ZNF454: variants seen among roughly 807,000 people sequenced by gnomAD.
The protein encoded by ZNF454 is zinc finger protein 454.
Under a neutral mutation model 48.2 loss-of-function variants are expected in ZNF454, and 30 were observed. The observed-to-expected ratio is 0.62, with a 90% confidence interval of 0.47 to 0.84. The LOEUF (loss-of-function observed/expected upper bound fraction) is 0.84. ZNF454 is among the 40% of genes least tolerant of loss of function. The probability of loss-of-function intolerance (pLI) is 0.00; values close to 1 mark genes in which losing one functional copy is unlikely to be tolerated. For synonymous variants in ZNF454, 204 were observed against 211.4 expected, an observed-to-expected ratio of 0.97 and a Z score of 0.30; for missense variants, 510 against 623.1, an observed-to-expected ratio of 0.82 and a Z score of 1.93.
In ZNF454 at chr5:178,941,369, G is replaced by T. The variant is rs565227492; in HGVS notation, c.-183G>T. 9 of 455,878 alleles carry T rather than the reference G, an allele frequency of 2.0e-5. No homozygotes were observed. The highest frequency in any genetic ancestry group is 1.6e-4 in the Admixed American group (7 of 42,462). 28.2% of individuals were successfully genotyped at this position (455,878 alleles called of 1,614,324 possible). On this transcript the variant is annotated 5_prime_UTR_variant, in exon 1 of 5. It introduces an in-frame stop codon into an upstream open reading frame of the 5' UTR. Coordinates refer to ENST00000519564, the MANE Select transcript of ZNF454 (RefSeq NM_001178089.3). This position sits in a 1 kb window ranked among gnomAD's most constrained non-coding sequence, Gnocchi z 5.5. The stretch of plus-strand genomic sequence containing the variant: ...CGTGAGGTCGTCTGGGGAGAAGGGC[G>T]GAGGCAAAGCCGAGGAGGTGCGGGT...
At chr5:178,969,349 A>C, downstream of ZNF454, 1 of 419,356 alleles carries the variant, frequency 2.4e-6, no homozygotes, top group Non-Finnish European at 4.8e-6. Flanking sequence ...GTGGTGTTAG[A>C]CATTTCAGTA....
the ZNF454 span, chr5:178,981,823 G>T: frequency 6.2e-7 from 1 of 1,613,130 alleles, no homozygotes; most frequent in South Asian, 1.1e-5. This position sits in a 1 kb window ranked among gnomAD's most constrained non-coding sequence, Gnocchi z 5.1. Flanking sequence ...CAGGCTCAAG[G>T]ACACGGTTAG....
At chr5:178,972,154 G>A in the ZNF454 span, among the ~76,000 whole-genome samples, 17 of 152,096 alleles carry the variant, frequency 1.1e-4, no homozygotes, top group Middle Eastern at 3.4e-3. Context: ...GGCTGGTCTC[G>A]AACTCCTGAT....
chr5:178,966,131 T>A lies in ZNF454; in HGVS notation c.*158T>A. 2 of 676,250 alleles carry A rather than the reference T, an allele frequency of 3.0e-6. No homozygotes were observed. Among genetic ancestry groups the A allele is most frequent in the Non-Finnish European group, 4.7e-6 (2 of 423,126 alleles). The allele number at this position is 676,250 out of a possible 1,614,324, so 41.9% of individuals were successfully genotyped here. On this transcript the variant is annotated 3_prime_UTR_variant, in exon 5 of 5. Transcript: ENST00000519564. The stretch of plus-strand genomic sequence containing the variant: ...CACAGTGTCATGGGGTTTGGGCATT[T>A]AAGAATGGCAAACACTCGGCTGGGC...
At position 178,949,253 on chromosome 5, in the gene ZNF454, T is replaced by C. The variant is rs1334053751; in HGVS notation, c.250+2267T>C. On this transcript the variant is annotated intron_variant, in intron 4 of 4. Transcript: ENST00000519564. ...TTTTACTAGAGATGAGGTTTTGTCA[T>C]GTTGGCCAGGCTGTTCTCAAACTCG... 2.0e-5 allele frequency among the ~76,000 whole-genome samples: 3 copies of C among 151,998 alleles called. No individual in the cohort carries two copies. The East Asian group carries it at 5.8e-4, about 29-fold the overall frequency.
the ZNF454 span, chr5:178,986,823 G>A: frequency 8.7e-5 from 141 of 1,613,448 alleles, no homozygotes; most frequent in Admixed American, 3.0e-4. Context: ...CCTGGGGCTC[G>A]GTCTGCACAC....
chr5:178,985,744 G>C, the ZNF454 span: 1 of 429,484 alleles, frequency 2.3e-6, no homozygotes, highest in South Asian at 1.7e-5. Context: ...AAATAGAAAA[G>C]AGTGACTCTA....
At chr5:178,984,924 C>T in the ZNF454 span, among the ~76,000 whole-genome samples, 2 of 152,118 alleles carry the variant, frequency 1.3e-5, no homozygotes, top group Non-Finnish European at 2.9e-5. Context: ...GGTCACCCTC[C>T]CCAAGCCATC....
the ZNF454 span, chr5:178,989,518 G>T: frequency 7.5e-7 from 1 of 1,339,866 alleles, no homozygotes; most frequent in Non-Finnish European, 1.1e-6. Context: ...TGAGCTAGGA[G>T]TGGCCAGGTG....
the ZNF454 span, chr5:178,983,177 G>A: frequency 2.5e-6 from 4 of 1,613,572 alleles, no homozygotes; most frequent in Non-Finnish European, 3.4e-6. Flanking sequence ...AGTCAATCAC[G>A]CTGTGTGGGG....
At chr5:178,987,921 A>ACACTG in the ZNF454 span, among the ~76,000 whole-genome samples, 2 of 143,862 alleles carry the variant, frequency 1.4e-5, no homozygotes, top group Admixed American at 7.0e-5. Context: ...CGCCATGCCC[A>ACACTG]GCTAATTTTT....
Position 178,944,117 on chromosome 5 carries a change from G to C in ZNF454, c.33+1293G>C, listed in dbSNP as rs2113173749. Among the ~76,000 whole-genome samples the C allele has an allele frequency of 6.6e-6, 1 of 152,346 alleles. No homozygotes were observed. The highest frequency in any genetic ancestry group is 2.1e-4 in the South Asian group (1 of 4,832). ...ACATTCTGATACATTTGGTTAAATTGTTCTAATTCCTTCACATTTAAACCT... is the reference window on the plus strand; with the variant it reads ...ACATTCTGATACATTTGGTTAAATTCTTCTAATTCCTTCACATTTAAACCT... On this transcript the variant is annotated intron_variant, in intron 2 of 4. Transcript: ENST00000519564. The surrounding 1 kb of genome is among the most constrained non-coding windows in gnomAD (Gnocchi z 4.1).
the ZNF454 span, chr5:178,989,490 CAGCTAGGAGTGGCCAGGTG>C: frequency 6.6e-5 from 103 of 1,562,770 alleles, no homozygotes; most frequent in Admixed American, 3.0e-4. Context: ...TGCTCACTTT[CAGCTAGGAGTGGCCAGGTG>C]AGCTAGGAGT....
chr5:178,985,669 C>A, the ZNF454 span: 3 of 401,508 alleles, frequency 7.5e-6, no homozygotes, highest in East Asian at 7.5e-5. Context: ...TGCCACTGCA[C>A]TCCAGCCTGG....
chr5:178,968,294 G>A (rs780978766), downstream of ZNF454, among the ~76,000 whole-genome samples: 8 of 152,112 alleles, frequency 5.3e-5, no homozygotes, highest in East Asian at 1.9e-4. Context: ...AGTGCTGTCC[G>A]TCAAGTTGAG....
intron 4 of ZNF454, among the ~76,000 whole-genome samples, chr5:178,953,978 A>T (rs1396925365): frequency 6.6e-6 from 1 of 151,994 alleles, no homozygotes; most frequent in East Asian, 1.9e-4. Flanking sequence ...TTCCTGCCCA[A>T]CCAGGCATGT....
the ZNF454 span, chr5:178,981,565 G>A: frequency 2.0e-6 from 2 of 998,614 alleles, no homozygotes; most frequent in Non-Finnish European, 1.5e-6. The surrounding 1 kb of genome is among the most constrained non-coding windows in gnomAD (Gnocchi z 5.1). Context: ...GCCACTGACT[G>A]TTCACCGTGG....
chr5:178,970,100 G>C (rs567629188), downstream of ZNF454, among the ~76,000 whole-genome samples: 1 of 152,202 alleles, frequency 6.6e-6, no homozygotes, highest in Non-Finnish European at 1.5e-5. Flanking sequence ...GGTTACTGTG[G>C]CCGAGCCTCA....
chr5:178,961,494 T>A (rs1760012198), intron 4 of ZNF454, among the ~76,000 whole-genome samples: 1 of 151,674 alleles, frequency 6.6e-6, no homozygotes, highest in Admixed American at 6.6e-5. Flanking sequence ...TTAATAAAAT[T>A]AAAATTATTG....
Sources: gnomAD v4.1 joint callset for allele counts (sites outside exome capture counted in the v4.1 genomes callset) on GRCh38, gnomAD v4.1.1 for gene constraint, Gnocchi (gnomAD v3.1) non-coding constraint, MANE v1.5 for transcripts, NCBI Gene and HGNC (gene_info 2026-07-23, HGNC 2026-07-21) for gene names.